NTNG1: variants seen among roughly 807,000 people sequenced by gnomAD.
NTNG1 encodes the protein netrin-G1.
Under a neutral mutation model 54.0 loss-of-function variants are expected in NTNG1, and 16 were observed. The ratio of observed to expected loss-of-function variants is 0.30; its 90% CI spans 0.20 to 0.45. The LOEUF (loss-of-function observed/expected upper bound fraction) is 0.45. Among genes scored for constraint, NTNG1 ranks in the 20% least tolerant of loss-of-function variants. The pLI, the probability that NTNG1 is intolerant of heterozygous loss-of-function variation, is 1.00. For synonymous variants in NTNG1, 255 were observed against 263.1 expected (o/e 0.97, Z 0.30); for missense variants, 530 against 678.7 (o/e 0.78, Z 2.43).
At chr1:107,205,857 T>C (rs922320290) in intron 2 of NTNG1, among the ~76,000 whole-genome samples, 2 of 152,212 alleles carry the variant, frequency 1.3e-5, no homozygotes, top group African/African-American at 2.4e-5. Flanking sequence ...TGACTTCTTA[T>C]AGCATATGCT....
At chr1:107,321,101 T>C (rs1006110827) in intron 2 of NTNG1, among the ~76,000 whole-genome samples, 2 of 152,064 alleles carry the variant, frequency 1.3e-5, no homozygotes, top group African/African-American at 4.8e-5. Context: ...AAAATTACAA[T>C]CACCATTGCT....
chr1:107,219,134 A>C (rs1351854732), intron 2 of NTNG1, among the ~76,000 whole-genome samples: 1 of 124,248 alleles, frequency 8.0e-6, no homozygotes. Context: ...TTTGTCTTTA[A>C]TAGATCAGGT....
intron 2 of NTNG1, among the ~76,000 whole-genome samples, chr1:107,226,698 C>T (rs1364993077): frequency 6.6e-6 from 1 of 152,100 alleles, no homozygotes; most frequent in African/African-American, 2.4e-5. Flanking sequence ...TATTGTGTGA[C>T]CCCATCCCTA....
intron 2 of NTNG1, among the ~76,000 whole-genome samples, chr1:107,296,709 TTAA>T (rs1665962604): frequency 6.8e-6 from 1 of 148,114 alleles, no homozygotes; most frequent in Non-Finnish European, 1.5e-5. Flanking sequence ...CTATTACATA[TTAA>T]TATAATTCCA....
In NTNG1 at chr1:107,270,727, C is replaced by T. The variant is rs1010659957; in HGVS notation, c.247-53555C>T. On this transcript the variant is annotated intron_variant, in intron 2 of 7. Transcript: ENST00000370068. ...GCCCCCGCCCCCGCCCCCCCACCCCCAACCCGCCAAAGTGCAGTGCTTGCT... is the reference window on the plus strand; with the variant it reads ...GCCCCCGCCCCCGCCCCCCCACCCCTAACCCGCCAAAGTGCAGTGCTTGCT... Among the ~76,000 whole-genome samples the T allele has an allele frequency of 2.8e-5, 4 of 141,884 alleles. No individual in the cohort carries two copies. The Admixed American group carries it at 2.9e-4, about 10-fold the overall frequency. The allele number at this position is 141,884 out of a possible 152,430, so 93.1% of individuals were successfully genotyped here. A position where few individuals can be genotyped will look rare whatever the true frequency, so the allele number is the denominator to read the frequency against.
intron 2 of NTNG1, among the ~76,000 whole-genome samples, chr1:107,245,505 A>G (rs1332310969): frequency 2.0e-5 from 3 of 152,032 alleles, no homozygotes; most frequent in Non-Finnish European, 2.9e-5. Flanking sequence ...AATTGAAATG[A>G]TTTTTCAAGT....
At chr1:107,447,704 C>T (rs1676391783) in intron 7 of NTNG1, among the ~76,000 whole-genome samples, 1 of 152,050 alleles carries the variant, frequency 6.6e-6, no homozygotes, top group African/African-American at 2.4e-5. Context: ...TCAATACGTC[C>T]TTTCAAATAC....
chr1:107,476,762 C>T (rs1678359295), intron 7 of NTNG1, among the ~76,000 whole-genome samples: 1 of 152,150 alleles, frequency 6.6e-6, no homozygotes, highest in South Asian at 2.1e-4. Flanking sequence ...CACCACCCTC[C>T]TTCTAAGTCT....
At chr1:107,225,470 TG>T (rs1660613162) in intron 2 of NTNG1, among the ~76,000 whole-genome samples, 2 of 152,140 alleles carry the variant, frequency 1.3e-5, no homozygotes, top group Non-Finnish European at 2.9e-5. Context: ...CAACATGGAT[TG>T]GGGGTTCAGA....
At chr1:107,326,956 T>A (rs918706886) in intron 3 of NTNG1, among the ~76,000 whole-genome samples, 3 of 152,198 alleles carry the variant, frequency 2.0e-5, no homozygotes, top group Non-Finnish European at 4.4e-5. Flanking sequence ...AAATGTAGAT[T>A]CCTTCATATC....
At chr1:107,209,590 T>C (rs1012408873) in intron 2 of NTNG1, among the ~76,000 whole-genome samples, 2 of 152,178 alleles carry the variant, frequency 1.3e-5, no homozygotes, top group South Asian at 2.1e-4. Context: ...GAGACAATAA[T>C]TGCGCCTCAT....
At chr1:107,338,419 G>A (rs1668710886) in intron 3 of NTNG1, among the ~76,000 whole-genome samples, 1 of 151,710 alleles carries the variant, frequency 6.6e-6, no homozygotes, top group Admixed American at 6.6e-5. Context: ...TGACAAAAGG[G>A]GCCATCATCT....
chr1:107,336,369 T>G (rs1043055840), intron 3 of NTNG1, among the ~76,000 whole-genome samples: 2 of 151,610 alleles, frequency 1.3e-5, no homozygotes, highest in Admixed American at 1.3e-4. Flanking sequence ...GAAAAGACAG[T>G]CTTTTCAACA....
chr1:107,153,086 A>G (rs1272676093), intron 2 of NTNG1, among the ~76,000 whole-genome samples: 1 of 152,216 alleles, frequency 6.6e-6, no homozygotes, highest in Non-Finnish European at 1.5e-5. Context: ...AACTTTAATT[A>G]TTGTAAGCAT....
At chr1:107,221,170 CT>C (rs567656352) in intron 2 of NTNG1, among the ~76,000 whole-genome samples, 11 of 148,178 alleles carry the variant, frequency 7.4e-5, no homozygotes, top group Admixed American at 2.0e-4. Flanking sequence ...CAATATTCAC[CT>C]TTTTTTTTTA....
At chr1:107,180,627 T>A (rs1178232065) in intron 2 of NTNG1, among the ~76,000 whole-genome samples, 2 of 152,168 alleles carry the variant, frequency 1.3e-5, no homozygotes, top group Non-Finnish European at 2.9e-5. Context: ...TTCTCTAGGT[T>A]TTTAAATAAA....
chr1:107,354,454 C>T (rs1470694488), intron 3 of NTNG1, among the ~76,000 whole-genome samples: 3 of 107,464 alleles, frequency 2.8e-5, no homozygotes, highest in Non-Finnish European at 5.1e-5. Flanking sequence ...GGACGACAAA[C>T]TGAGACTCCA....
intron 2 of NTNG1, among the ~76,000 whole-genome samples, chr1:107,291,841 C>A (rs1665624911): frequency 6.6e-6 from 1 of 152,090 alleles, no homozygotes. Context: ...AATTTAAACT[C>A]TGTTACATCA....
At chr1:107,229,589 T>A (rs749195272) in intron 2 of NTNG1, among the ~76,000 whole-genome samples, 2 of 151,846 alleles carry the variant, frequency 1.3e-5, no homozygotes, top group African/African-American at 2.4e-5. Flanking sequence ...ATTGGAAAAA[T>A]GCTTAGAGAT....
Sources: gnomAD v4.1 joint callset for allele counts (sites outside exome capture counted in the v4.1 genomes callset) on GRCh38, gnomAD v4.1.1 for gene constraint, MANE v1.5 for transcripts, NCBI Gene and HGNC (gene_info 2026-07-23, HGNC 2026-07-21) for gene names.